Variants in PIAS2 observed in about 807,000 individuals in gnomAD.
The protein encoded by PIAS2 is protein inhibitor of activated STAT 2, also known as E3 SUMO-protein ligase PIAS2.
In PIAS2, 19 loss-of-function variants were observed where a neutral mutation model predicts 69.7. The observed-to-expected ratio is 0.27, with a 90% CI of 0.19 to 0.40. The LOEUF (loss-of-function observed/expected upper bound fraction) is 0.40, where lower values mean the gene tolerates loss of function less well. Among genes scored for constraint, PIAS2 ranks in the 10% least tolerant of loss-of-function variants. The pLI is 1.00. For missense variants in PIAS2, 624 were observed against 757.0 expected, an observed-to-expected ratio of 0.82 and a Z score of 2.06; for synonymous variants, 261 against 263.2, an observed-to-expected ratio of 0.99 and a Z score of 0.08.
chr18:46,895,679 AT>A (rs2054747858), intron 1 of PIAS2, among the ~76,000 whole-genome samples: 1 of 152,204 alleles, frequency 6.6e-6, no homozygotes, highest in African/African-American at 2.4e-5. Context: ...TCAAAAAAGA[AT>A]AATAATCATC....
At chr18:46,836,144 G>C (rs553126250) in intron 9 of PIAS2, 1 of 388,208 alleles carries the variant, frequency 2.6e-6, no homozygotes, top group East Asian at 3.8e-5. Flanking sequence ...TGCCCTCAAC[G>C]CAAATCATAT....
intron 12 of PIAS2, chr18:46,817,369 A>G (rs2041671260): frequency 6.2e-6 from 6 of 969,654 alleles, no homozygotes; most frequent in Non-Finnish European, 7.4e-6. Context: ...AGCTTGATAT[A>G]AAACAGTTTG....
chr18:46,818,622 A>G (rs1188589017), intron 12 of PIAS2, among the ~76,000 whole-genome samples: 2 of 152,038 alleles, frequency 1.3e-5, no homozygotes, highest in Non-Finnish European at 2.9e-5. Context: ...ATTATGCATA[A>G]AAATAAAACC....
intron 2 of PIAS2, 88 bp from the exon 3 acceptor site, chr18:46,864,336 G>C: frequency 2.6e-6 from 2 of 783,942 alleles, no homozygotes; most frequent in South Asian, 1.9e-5. Flanking sequence ...TTTTTATAAA[G>C]TACCTGCCAA....
chr18:46,825,633 C>A (rs1378790088), intron 11 of PIAS2, among the ~76,000 whole-genome samples: 1 of 152,180 alleles, frequency 6.6e-6, no homozygotes, highest in African/African-American at 2.4e-5. Context: ...GACTGAAATG[C>A]TCTGAGAGTC....
chr18:46,919,040 A>G (rs2058349040), upstream of PIAS2, among the ~76,000 whole-genome samples: 1 of 151,532 alleles, frequency 6.6e-6, no homozygotes, highest in Non-Finnish European at 1.5e-5. Context: ...TGTTGTGTAT[A>G]TATACACAAC....
chr18:46,867,439 T>C (rs569419714), intron 2 of PIAS2, among the ~76,000 whole-genome samples: 36 of 152,304 alleles, frequency 2.4e-4, no homozygotes, highest in Admixed American at 7.8e-4. Context: ...TAAAGTGAAT[T>C]TGTTAGCTAA....
intron 1 of PIAS2, among the ~76,000 whole-genome samples, chr18:46,904,473 G>A (rs987857614): frequency 2.0e-5 from 3 of 152,092 alleles, no homozygotes; most frequent in East Asian, 1.9e-4. Context: ...CTAGAAGGCC[G>A]GGTGCGGTGG....
chr18:46,901,369 A>AT (rs1172906945), intron 1 of PIAS2: 19 of 201,866 alleles, frequency 9.4e-5, no homozygotes, highest in Middle Eastern at 2.0e-3. Context: ...GGATCATGCC[A>AT]TTGCACTCCA....
At position 46,890,798 on chromosome 18, in the gene PIAS2, G is replaced by T; in HGVS notation, c.281C>A (p.Pro94His). The T allele has an allele frequency of 6.2e-7, 1 of 1,614,174 alleles. No individual in the cohort carries two copies. Residue 94 changes from proline to histidine, a missense_variant, in exon 2 of 14, where the codon CCT becomes CAT. By Grantham distance (77) the Pro-to-His change is moderately conservative. Coordinates refer to ENST00000585916, the MANE Select transcript of PIAS2 (RefSeq NM_004671.5). ...GTGGATTCCAGCCACGGCCAAGTCAGGTTCTACAGGTGATGAGCCACCATC... is the reference window on the plus strand; with the variant it reads ...GTGGATTCCAGCCACGGCCAAGTCATGTTCTACAGGTGATGAGCCACCATC... ...SLDGGSSPVE[P>H]DLAVAGIHSL...
intron 2 of PIAS2, among the ~76,000 whole-genome samples, chr18:46,880,811 T>C (rs2052110727): frequency 6.6e-6 from 1 of 152,210 alleles, no homozygotes; most frequent in South Asian, 2.1e-4. Context: ...CTTGACATGT[T>C]GGAACTAACA....
At chr18:46,910,644 G>A (rs1278196970) in intron 1 of PIAS2, among the ~76,000 whole-genome samples, 1 of 152,124 alleles carries the variant, frequency 6.6e-6, no homozygotes, top group Non-Finnish European at 1.5e-5. Flanking sequence ...AAATTTTATA[G>A]AAAAGTTCAA....
At chr18:46,845,995 T>C (rs2046115302) in intron 6 of PIAS2, among the ~76,000 whole-genome samples, 1 of 152,190 alleles carries the variant, frequency 6.6e-6, no homozygotes, top group African/African-American at 2.4e-5. Context: ...TTTAGGAACA[T>C]GTAATAAGAA....
At chr18:46,887,109 C>T (rs542753809) in intron 2 of PIAS2, among the ~76,000 whole-genome samples, 4 of 152,264 alleles carry the variant, frequency 2.6e-5, no homozygotes, top group Admixed American at 1.3e-4. Context: ...TAATTCTACT[C>T]ATAGGACTTT....
At chr18:46,895,606 G>A (rs2054729662) in intron 1 of PIAS2, among the ~76,000 whole-genome samples, 1 of 152,186 alleles carries the variant, frequency 6.6e-6, no homozygotes, top group Non-Finnish European at 1.5e-5. Context: ...GGGAAGTGGT[G>A]GTTGCGGTGA....
intron 8 of PIAS2, among the ~76,000 whole-genome samples, chr18:46,838,026 T>C (rs1040372641): frequency 5.9e-5 from 9 of 152,200 alleles, no homozygotes; most frequent in African/African-American, 2.2e-4. Flanking sequence ...GACCTATTTT[T>C]ATGCTATAAA....
At chr18:46,828,480 A>G (rs72907140) in intron 10 of PIAS2, among the ~76,000 whole-genome samples, 1,680 of 152,338 alleles carry the variant, frequency 0.011, 16 homozygotes, top group Non-Finnish European at 0.017. Flanking sequence ...AGACACGCAG[A>G]GTTAGGGAAC....
At chr18:46,839,150 T>C (rs1164314963) in intron 8 of PIAS2, among the ~76,000 whole-genome samples, 1 of 152,208 alleles carries the variant, frequency 6.6e-6, no homozygotes, top group Non-Finnish European at 1.5e-5. Flanking sequence ...TTGGCTTTTT[T>C]ACACAATCAC....
chr18:46,825,941 T>C (rs924056602), intron 11 of PIAS2, among the ~76,000 whole-genome samples: 8 of 152,212 alleles, frequency 5.3e-5, no homozygotes, highest in Non-Finnish European at 1.2e-4. Flanking sequence ...TTTTAATATA[T>C]AATTAAATGA....
Sources: allele counts gnomAD v4.1 joint callset (sites outside exome capture counted in the v4.1 genomes callset), GRCh38; gene constraint gnomAD v4.1.1; transcripts MANE v1.5; gene names NCBI Gene and HGNC (gene_info 2026-07-23, HGNC 2026-07-21).